CEP128: variants seen among roughly 807,000 people sequenced by gnomAD.
CEP128 encodes centrosomal protein 128kDa.
A neutral mutation model predicts 156.7 loss-of-function variants in CEP128; 132 were observed. The ratio of observed to expected loss-of-function variants is 0.84; its 90% CI spans 0.73 to 0.97. The LOEUF (loss-of-function observed/expected upper bound fraction) is 0.97. Ranked by LOEUF, CEP128 falls within the 50% of genes least tolerant of loss-of-function variation. The probability of loss-of-function intolerance (pLI) is 0.00; values close to 1 mark genes in which losing one functional copy is unlikely to be tolerated. For missense variants in CEP128, 1,252 were observed against 1,281.9 expected (o/e 0.98, Z 0.36); for synonymous variants, 469 against 448.9 (o/e 1.04, Z -0.57).
At chr14:80,939,764 A>AC (rs1886042910) in intron 1 of CEP128, among the ~76,000 whole-genome samples, 1 of 152,232 alleles carries the variant, frequency 6.6e-6, no homozygotes, top group African/African-American at 2.4e-5. Context: ...ATGCCTGGGC[A>AC]TCCCTGGGGC....
chr14:80,860,888 T>C (rs1386212684), intron 9 of CEP128, among the ~76,000 whole-genome samples: 4 of 152,100 alleles, frequency 2.6e-5, no homozygotes, highest in African/African-American at 9.6e-5. Context: ...CATAAGTGTA[T>C]TTTTAGAACT....
intron 19 of CEP128, among the ~76,000 whole-genome samples, chr14:80,584,220 C>T (rs946002164): frequency 3.4e-5 from 5 of 146,032 alleles, no homozygotes; most frequent in African/African-American, 1.0e-4. Context: ...CATCTCGGCT[C>T]ACTGAAACCT....
At chr14:80,483,662 T>G (rs1353208750) in intron 14 of CEP128, among the ~76,000 whole-genome samples, 1 of 152,238 alleles carries the variant, frequency 6.6e-6, no homozygotes, top group African/African-American at 2.4e-5. Flanking sequence ...AGAGTATAGA[T>G]GGAGTTAGCT....
At chr14:80,853,249 C>G (rs2140125195) in intron 9 of CEP128, among the ~76,000 whole-genome samples, 1 of 151,726 alleles carries the variant, frequency 6.6e-6, no homozygotes, top group South Asian at 2.1e-4. Context: ...CACAAGAATT[C>G]TTGCTATCTT....
chr14:80,938,570 C>T (rs1293486519), intron 2 of CEP128, among the ~76,000 whole-genome samples: 2 of 152,042 alleles, frequency 1.3e-5, no homozygotes, highest in African/African-American at 4.8e-5. Flanking sequence ...ACTGCAAGTC[C>T]GCAGTGTGTC....
chr14:80,936,106 G>C (rs1472837447), intron 2 of CEP128, among the ~76,000 whole-genome samples: 2 of 152,172 alleles, frequency 1.3e-5, no homozygotes, highest in African/African-American at 4.8e-5. Context: ...ACCAGTGCCT[G>C]GGAAGTACAG....
chr14:80,807,852 C>A (rs984248621), intron 13 of CEP128, among the ~76,000 whole-genome samples: 3 of 152,182 alleles, frequency 2.0e-5, no homozygotes, highest in African/African-American at 7.2e-5. Context: ...TCTACACATC[C>A]TGGGTGCCCA....
At chr14:80,750,321 T>C (rs1899325115) in intron 18 of CEP128, among the ~76,000 whole-genome samples, 1 of 152,184 alleles carries the variant, frequency 6.6e-6, no homozygotes, top group African/African-American at 2.4e-5. Flanking sequence ...CATAGTGTAG[T>C]TGCCCCTGCT....
chr14:80,552,805 TAGTC>T (rs1396698172), intron 21 of CEP128, among the ~76,000 whole-genome samples: 2 of 152,206 alleles, frequency 1.3e-5, no homozygotes, highest in African/African-American at 4.8e-5. Context: ...CACAAATTGG[TAGTC>T]AGTTATATCT....
intron 9 of CEP128, among the ~76,000 whole-genome samples, chr14:80,852,668 T>C (rs1886952909): frequency 6.6e-6 from 1 of 151,810 alleles, no homozygotes; most frequent in Admixed American, 6.6e-5. Context: ...TAAAAAAAAT[T>C]AGTAATCTGC....
chr14:80,545,525 T>C lies in CEP128; in HGVS notation c.2880+13754A>G, dbSNP rs1889944370. 2.0e-5 allele frequency among the ~76,000 whole-genome samples: 3 copies of C among 152,178 alleles called. No homozygotes were observed. The South Asian group carries it at 6.2e-4, about 31-fold the overall frequency. ...TTTGTTAAAATAAGAGAATTGGTCA[T>C]TTGGCGAGTTCATGACTGAGCAAAC... On this transcript the variant is annotated intron_variant, in intron 21 of 24. Coordinates refer to ENST00000555265, the MANE Select transcript of CEP128 (RefSeq NM_152446.5).
chr14:80,815,006 C>T (rs972736707), intron 13 of CEP128, among the ~76,000 whole-genome samples: 2 of 151,742 alleles, frequency 1.3e-5, no homozygotes, highest in Non-Finnish European at 2.9e-5. Context: ...TGTAGTGAGC[C>T]GAGATTGTGC....
At chr14:80,733,674 G>T (rs1438777314) in intron 19 of CEP128, among the ~76,000 whole-genome samples, 1 of 151,856 alleles carries the variant, frequency 6.6e-6, no homozygotes, top group South Asian at 2.1e-4. Flanking sequence ...TGGCTATAAG[G>T]CATATATAAG....
At chr14:80,940,771 C>G (rs562882870) in intron 1 of CEP128, among the ~76,000 whole-genome samples, 2 of 152,152 alleles carry the variant, frequency 1.3e-5, no homozygotes, top group East Asian at 3.9e-4. Flanking sequence ...TTAATTTCAC[C>G]AGTTTCTTTT....
At chr14:80,828,956 A>C (rs1205994017) in intron 13 of CEP128, among the ~76,000 whole-genome samples, 1 of 152,210 alleles carries the variant, frequency 6.6e-6, no homozygotes, top group African/African-American at 2.4e-5. Context: ...TTTTCTAAAA[A>C]TAAAGCAGAG....
intron 19 of CEP128, among the ~76,000 whole-genome samples, chr14:80,696,424 TC>T (rs990902842): frequency 2.0e-5 from 3 of 152,066 alleles, no homozygotes; most frequent in African/African-American, 7.2e-5. Flanking sequence ...AGATTAAGTC[TC>T]CCAGGGAGAA....
intron 14 of CEP128, among the ~76,000 whole-genome samples, chr14:80,790,705 GAAAT>G (rs1163989990): frequency 6.6e-6 from 1 of 151,974 alleles, no homozygotes; most frequent in Non-Finnish European, 1.5e-5. Context: ...CAGGAAAAAA[GAAAT>G]AAATCAGAGA....
At chr14:80,739,539 T>G (rs776187271) in intron 19 of CEP128, among the ~76,000 whole-genome samples, 38 of 152,162 alleles carry the variant, frequency 2.5e-4, no homozygotes, top group Non-Finnish European at 3.2e-4. Flanking sequence ...AGGCTCAAGC[T>G]TTTCTATGAC....
intron 19 of CEP128, among the ~76,000 whole-genome samples, chr14:80,606,009 CTA>C (rs1892762210): frequency 6.6e-6 from 1 of 151,632 alleles, no homozygotes; most frequent in Non-Finnish European, 1.5e-5. Context: ...TCTTTATAAA[CTA>C]TGAAAATTTT....
Sources: allele counts gnomAD v4.1 joint callset (sites outside exome capture counted in the v4.1 genomes callset), GRCh38; gene constraint gnomAD v4.1.1; transcripts MANE v1.5; gene names NCBI Gene and HGNC (gene_info 2026-07-23, HGNC 2026-07-21).